PPFIA2: variants seen among roughly 807,000 people sequenced by gnomAD.
PPFIA2 encodes PPFI scaffold protein A2.
A neutral mutation model predicts 175.5 loss-of-function variants in PPFIA2; 46 were observed. That is an observed-to-expected ratio of 0.26 (90% CI 0.21 to 0.34). The LOEUF is 0.34. Ranked by LOEUF, PPFIA2 falls within the 10% of genes least tolerant of loss-of-function variation. The probability of loss-of-function intolerance (pLI) is 1.00; values close to 1 mark genes in which losing one functional copy is unlikely to be tolerated. For synonymous variants in PPFIA2, 568 were observed against 511.4 expected (o/e 1.11, Z -1.49); for missense variants, 1,179 against 1,506.1 (o/e 0.78, Z 3.60).
chr12:81,457,739 T>C (rs1487071129), intron 5 of PPFIA2, 26 bp downstream of exon 5: 2 of 1,439,130 alleles, frequency 1.4e-6, no homozygotes, highest in Non-Finnish European at 1.9e-6. Flanking sequence ...ATAGAATTAA[T>C]TCCAAAAAGG....
At chr12:81,537,549 GTT>G (rs1395396625) in intron 4 of PPFIA2, among the ~76,000 whole-genome samples, 1 of 151,710 alleles carries the variant, frequency 6.6e-6, no homozygotes, top group African/African-American at 2.4e-5. Flanking sequence ...TCACACCAAT[GTT>G]TTGTGGACCA....
intron 4 of PPFIA2, among the ~76,000 whole-genome samples, chr12:81,667,051 T>C (rs1265200577): frequency 1.3e-5 from 2 of 152,126 alleles, no homozygotes; most frequent in Admixed American, 1.3e-4. Flanking sequence ...TTGACACTAA[T>C]TATTTTGGAA....
intron 4 of PPFIA2, among the ~76,000 whole-genome samples, chr12:81,628,376 C>CTTTTTTTTTTTTTTT (rs11304359): frequency 1.8e-5 from 2 of 111,676 alleles, no homozygotes; most frequent in African/African-American, 3.2e-5. Flanking sequence ...TTTCTTTTAC[C>CTTTTTTTTTTTTTTT]TTTTTTTTTT....
intron 4 of PPFIA2, among the ~76,000 whole-genome samples, chr12:81,577,623 T>A (rs1400626400): frequency 6.6e-6 from 1 of 151,868 alleles, no homozygotes; most frequent in Non-Finnish European, 1.5e-5. Context: ...ATTGATGCCT[T>A]AAAATTAGAG....
chr12:81,603,518 G>A (rs890375348), intron 4 of PPFIA2, among the ~76,000 whole-genome samples: 11 of 151,394 alleles, frequency 7.3e-5, no homozygotes, highest in African/African-American at 2.7e-4. Context: ...AAAAAAAACA[G>A]ATACACTTTT....
chr12:81,692,800 G>T (rs1488668243), intron 3 of PPFIA2, among the ~76,000 whole-genome samples: 1 of 151,996 alleles, frequency 6.6e-6, no homozygotes, highest in East Asian at 1.9e-4. Context: ...AATTTTGAAT[G>T]TATAACAATC....
At chr12:81,699,450 C>T (rs2076255566) in intron 3 of PPFIA2, among the ~76,000 whole-genome samples, 1 of 151,256 alleles carries the variant, frequency 6.6e-6, no homozygotes, top group Admixed American at 6.6e-5. Flanking sequence ...TTTTATGTAA[C>T]CAAAATTATG....
At chr12:81,628,901 G>A (rs1164232133) in intron 4 of PPFIA2, among the ~76,000 whole-genome samples, 1 of 152,086 alleles carries the variant, frequency 6.6e-6, no homozygotes, top group Non-Finnish European at 1.5e-5. Context: ...TTGCACATAA[G>A]GCCTATAGCC....
In PPFIA2 at chr12:81,294,811, G is replaced by A; in HGVS notation, c.2925+24C>T. The A allele has an allele frequency of 1.9e-6, 3 of 1,606,206 alleles. No homozygotes were observed. The South Asian group carries it at 3.4e-5, about 18-fold the overall frequency. On this transcript the variant is annotated intron_variant, in intron 24 of 32. Coordinates refer to ENST00000549396, the MANE Select transcript of PPFIA2 (RefSeq NM_003625.5). ...CGGCTATTTGCCTAGCACTGAGGAA[G>A]GGGAGGAGCAGAAACTGACTCACAG...
chr12:81,732,967 T>A (rs79229739), intron 3 of PPFIA2, among the ~76,000 whole-genome samples: 3,685 of 151,644 alleles, frequency 0.024, 97 homozygotes, highest in East Asian at 0.076. Flanking sequence ...AAATAGGTAT[T>A]ATAAACTGTG....
At chr12:81,642,704 A>ATATATTATATACATACACG (rs1555549360) in intron 4 of PPFIA2, among the ~76,000 whole-genome samples, 3,399 of 9,460 alleles carry the variant, frequency 0.36, 1,325 homozygotes, top group African/African-American at 0.54. Flanking sequence ...ATACATGTAT[A>ATATATTATATACATACACG]TGTATGTATG....
At chr12:81,383,148 A>G (rs2038126339) in intron 9 of PPFIA2, among the ~76,000 whole-genome samples, 1 of 152,150 alleles carries the variant, frequency 6.6e-6, no homozygotes, top group Non-Finnish European at 1.5e-5. Context: ...AAAAAGTAAG[A>G]TACAATTGGC....
chr12:81,401,618 T>C (rs1385342058), intron 8 of PPFIA2, among the ~76,000 whole-genome samples: 1 of 152,220 alleles, frequency 6.6e-6, no homozygotes, highest in Non-Finnish European at 1.5e-5. Context: ...ACAGACTATA[T>C]CTTCTGAATC....
intron 3 of PPFIA2, among the ~76,000 whole-genome samples, chr12:81,749,276 T>C (rs924624453): frequency 2.8e-5 from 4 of 144,238 alleles, no homozygotes; most frequent in African/African-American, 9.7e-5. Context: ...TCAGTACTTC[T>C]ATAATCTTCC....
At position 81,496,134 on chromosome 12, in the gene PPFIA2, T is replaced by C. The variant is rs117793468; in HGVS notation, c.304-38268A>G. 5.3e-3 allele frequency among the ~76,000 whole-genome samples: 805 copies of C among 152,226 alleles called. 24 individuals carry two copies. The highest frequency in any genetic ancestry group is 0.049 in the Admixed American group (744 of 15,256). On this transcript the variant is annotated intron_variant, in intron 4 of 32. Coordinates refer to ENST00000549396, the MANE Select transcript of PPFIA2 (RefSeq NM_003625.5). The stretch of plus-strand genomic sequence containing the variant: ...TAAAAGAATTTGGGATGAATGAAAG[T>C]GATGCATCTCCTCCCTCCTCCGCTT...
intron 4 of PPFIA2, among the ~76,000 whole-genome samples, chr12:81,535,724 T>C (rs2065277471): frequency 6.6e-6 from 1 of 151,568 alleles, no homozygotes; most frequent in Non-Finnish European, 1.5e-5. Context: ...TTACTTTATA[T>C]GAGGAAATGA....
chr12:81,723,344 G>T (rs1224962505), intron 3 of PPFIA2, among the ~76,000 whole-genome samples: 6 of 151,052 alleles, frequency 4.0e-5, no homozygotes, highest in African/African-American at 1.5e-4. Flanking sequence ...AATTTATGGT[G>T]AGGATTAAAT....
At chr12:81,265,451 A>G (rs1406874924) in intron 30 of PPFIA2, among the ~76,000 whole-genome samples, 1 of 152,136 alleles carries the variant, frequency 6.6e-6, no homozygotes, top group East Asian at 1.9e-4. Flanking sequence ...GATAGGGTTA[A>G]TTCTTTTAAT....
intron 11 of PPFIA2, among the ~76,000 whole-genome samples, chr12:81,371,582 A>C (rs1458179427): frequency 6.6e-6 from 1 of 151,676 alleles, no homozygotes; most frequent in African/African-American, 2.4e-5. Context: ...AAACACACAA[A>C]ACACCAAAAT....
Sources: gnomAD v4.1 joint callset for allele counts (sites outside exome capture counted in the v4.1 genomes callset) on GRCh38, gnomAD v4.1.1 for gene constraint, MANE v1.5 for transcripts, NCBI Gene and HGNC (gene_info 2026-07-23, HGNC 2026-07-21) for gene names.